The following RPGRIP1L variants were observed in gnomAD, a reference collection of about 807,000 sequenced individuals.
RPGRIP1L encodes the protein RPGRIP1 like.
A neutral mutation model predicts 160.4 loss-of-function variants in RPGRIP1L; 131 were observed. The observed-to-expected ratio is 0.82, with a 90% CI of 0.71 to 0.94. RPGRIP1L has a LOEUF of 0.94. Among genes scored for constraint, RPGRIP1L ranks in the 40% least tolerant of loss-of-function variants. The pLI is 0.00. For synonymous variants in RPGRIP1L, 510 were observed against 515.8 expected (o/e 0.99, Z 0.15); for missense variants, 1,522 against 1,535.8 (o/e 0.99, Z 0.15).
intron 15 of RPGRIP1L, among the ~76,000 whole-genome samples, chr16:53,650,408 T>C (rs1360331828): frequency 6.6e-6 from 1 of 152,180 alleles, no homozygotes; most frequent in South Asian, 2.1e-4. Context: ...TAATGTAATA[T>C]ATATTTGCTT....
At position 53,684,318 on chromosome 16, in the gene RPGRIP1L, C is replaced by A. The variant is rs371997015; in HGVS notation, c.776+2115G>T. On this transcript the variant is annotated intron_variant, in intron 6 of 26. Coordinates refer to ENST00000647211, the MANE Select transcript of RPGRIP1L (RefSeq NM_015272.5). ...CGTATGTTTATTGTGGCACTATTCA[C>A]AATAGCAAAGACTTGGAATCAACCC... Among the ~76,000 whole-genome samples, 42 of 152,180 alleles carry A rather than the reference C, an allele frequency of 2.8e-4. No homozygotes were observed. In the East Asian group the frequency reaches 6.6e-3, roughly 24 times the overall value.
chr16:53,637,976 A>T (rs993573758), intron 20 of RPGRIP1L, 122 bp from the exon 21 acceptor site: 44 of 944,768 alleles, frequency 4.7e-5, no homozygotes, highest in Middle Eastern at 2.1e-4. Context: ...CAGATATGTA[A>T]TATGTATGAG....
chr16:53,630,123 C>T (rs1049185977), intron 22 of RPGRIP1L, among the ~76,000 whole-genome samples: 1 of 152,078 alleles, frequency 6.6e-6, no homozygotes, highest in African/African-American at 2.4e-5. Context: ...CCCAGCTCTG[C>T]AGCCCTGAAC....
intron 9 of RPGRIP1L, among the ~76,000 whole-genome samples, chr16:53,671,173 T>C (rs534508478): frequency 9.2e-5 from 14 of 152,206 alleles, no homozygotes; most frequent in African/African-American, 2.9e-4. Flanking sequence ...GAATTTGTAA[T>C]ACATACATTT....
At chr16:53,656,198 G>A (rs891962567) in intron 14 of RPGRIP1L, among the ~76,000 whole-genome samples, 6 of 152,090 alleles carry the variant, frequency 3.9e-5, no homozygotes, top group African/African-American at 1.4e-4. Context: ...AGTGTCTCAC[G>A]CCTGTAATCC....
chr16:53,669,280 G>A (rs1303622358), intron 9 of RPGRIP1L, among the ~76,000 whole-genome samples: 1 of 152,050 alleles, frequency 6.6e-6, no homozygotes, highest in East Asian at 1.9e-4. Context: ...TGACTATTAT[G>A]TGTGTTTGCT....
chr16:53,695,558 A>C (rs1418568236), intron 3 of RPGRIP1L: 2 of 613,782 alleles, frequency 3.3e-6, no homozygotes, highest in East Asian at 5.5e-5. Context: ...AGCATTTCTG[A>C]ATAAAAAAGA....
intron 19 of RPGRIP1L, among the ~76,000 whole-genome samples, chr16:53,640,758 T>C (rs766856278): frequency 3.0e-4 from 45 of 151,700 alleles, no homozygotes; most frequent in Admixed American, 3.3e-4. Context: ...GGAGACAGAA[T>C]TTAGACAATT....
In RPGRIP1L at chr16:53,645,857, G is replaced by C. The variant is rs145807002; in HGVS notation, c.2451C>G (p.Tyr817Ter). ...SHLQPHPYVV[Y>*]KFFDFADHDT... ...CATGGTCTGCAAAATCAAAAAACTT[G>C]TACACAACATATGGGTGTGGCTGCA... Residue 817 changes from tyrosine to a stop codon, truncating the protein, a stop_gained, in exon 17 of 27, where the codon TAC becomes TAG. Transcript: ENST00000647211. LOFTEE classifies it high-confidence loss of function. 3.7e-6 allele frequency: 6 copies of C among 1,613,994 alleles called. No homozygotes were observed. Among genetic ancestry groups the C allele is most frequent in the Non-Finnish European group, 5.1e-6 (6 of 1,180,024 alleles).
chr16:53,618,845 C>T (rs181785790), intron 24 of RPGRIP1L, among the ~76,000 whole-genome samples, 180 bp downstream of exon 24: 1 of 152,192 alleles, frequency 6.6e-6, no homozygotes, highest in Admixed American at 6.5e-5. Flanking sequence ...CTGTGCCTGG[C>T]CCAACTTTAT....
intron 17 of RPGRIP1L, among the ~76,000 whole-genome samples, chr16:53,643,346 C>A (rs1178706156): frequency 6.7e-6 from 1 of 150,146 alleles, no homozygotes; most frequent in Non-Finnish European, 1.5e-5. Flanking sequence ...TGACAAGAGC[C>A]TATTTATAGC....
At chr16:53,637,979 T>G in intron 20 of RPGRIP1L, 125 bp from the exon 21 acceptor site, 1 of 900,774 alleles carries the variant, frequency 1.1e-6, no homozygotes, top group Non-Finnish European at 1.8e-6. Context: ...ATATGTAATA[T>G]GTATGAGACT....
chr16:53,675,181 A>G, intron 6 of RPGRIP1L, 59 bp from the exon 7 acceptor site: 1 of 1,097,622 alleles, frequency 9.1e-7, no homozygotes, highest in Admixed American at 1.8e-5. Flanking sequence ...GTTAGAAGAA[A>G]ATCTATGGTG....
chr16:53,659,001 A>C, intron 10 of RPGRIP1L, 123 bp from the exon 11 acceptor site: 1 of 755,414 alleles, frequency 1.3e-6, no homozygotes, highest in Non-Finnish European at 2.2e-6. Flanking sequence ...GTCAGAAAGG[A>C]AACTGAGCTA....
At chr16:53,637,893 T>C (rs1453164113) in intron 20 of RPGRIP1L, 39 bp from the exon 21 acceptor site, 1 of 1,586,552 alleles carries the variant, frequency 6.3e-7, no homozygotes, top group Non-Finnish European at 8.6e-7. Context: ...TTATAATTGC[T>C]TAGATCACAT....
chr16:53,634,288 T>C (rs1207995007), intron 22 of RPGRIP1L, among the ~76,000 whole-genome samples: 3 of 152,218 alleles, frequency 2.0e-5, no homozygotes, highest in East Asian at 1.9e-4. Context: ...TAATGTTGCA[T>C]TGGGGATTAA....
chr16:53,622,221 G>C lies in RPGRIP1L; in HGVS notation c.3430C>G (p.Gln1144Glu), dbSNP rs1050777749. The C allele has an allele frequency of 3.2e-5, 21 of 663,794 alleles. No individual in the cohort carries two copies. In the African/African-American group the frequency reaches 3.6e-4, roughly 11 times the overall value. 41.1% of individuals were successfully genotyped at this position (663,794 alleles called of 1,614,324 possible). Residue 1144 changes from glutamine to glutamate, a missense_variant and splice_region_variant, in exon 23 of 27, where the codon CAG (glutamine) becomes GAG (glutamate). Gln to Glu is a conservative substitution (Grantham distance 29). Transcript: ENST00000647211. ...CTGCTAAAATTACAAAAAATTACCT[G>C]GGTGTGGTGGCAGGCACCTGTAATC... ...DGITGACHHT[Q>E]PSEKIRIEII...
chr16:53,697,002 T>C (rs372259696), intron 2 of RPGRIP1L, among the ~76,000 whole-genome samples: 2 of 152,130 alleles, frequency 1.3e-5, no homozygotes, highest in African/African-American at 4.8e-5. Context: ...AAGACCAGCC[T>C]GGCCAACATG....
At chr16:53,687,172 T>C (rs890403908) in intron 5 of RPGRIP1L, among the ~76,000 whole-genome samples, 2 of 152,174 alleles carry the variant, frequency 1.3e-5, no homozygotes, top group Admixed American at 6.5e-5. Flanking sequence ...AAGGAAACAT[T>C]TGAAGACCAT....
Sources: gnomAD v4.1 joint callset for allele counts (sites outside exome capture counted in the v4.1 genomes callset) on GRCh38, gnomAD v4.1.1 for gene constraint, MANE v1.5 for transcripts, NCBI Gene and HGNC (gene_info 2026-07-23, HGNC 2026-07-21) for gene names.